The following GLIS3 variants were observed in gnomAD, a reference collection of about 807,000 sequenced individuals.
The protein encoded by GLIS3 is GLIS family zinc finger 3, also known as zinc finger protein GLIS3.
A neutral mutation model predicts 78.6 loss-of-function variants in GLIS3; 53 were observed. The observed-to-expected ratio is 0.67, with a 90% CI of 0.54 to 0.85. The LOEUF is 0.85. GLIS3 is among the 40% of genes least tolerant of loss of function. The probability of loss-of-function intolerance (pLI) is 0.00; values close to 1 mark genes in which losing one functional copy is unlikely to be tolerated. For missense variants in GLIS3, 1,703 were observed against 1,231.1 expected (o/e 1.38, Z -5.74); for synonymous variants, 684 against 509.9 (o/e 1.34, Z -4.60).
At chr9:4,262,723 AT>A (rs1276328507) in intron 2 of GLIS3, among the ~76,000 whole-genome samples, 4 of 152,106 alleles carry the variant, frequency 2.6e-5, no homozygotes, top group Non-Finnish European at 5.9e-5. Flanking sequence ...TAACTTTGGA[AT>A]TAGATGGGAT....
chr9:3,894,558 G>T (rs1027894911), intron 7 of GLIS3, among the ~76,000 whole-genome samples: 1 of 152,038 alleles, frequency 6.6e-6, no homozygotes, highest in Non-Finnish European at 1.5e-5. Flanking sequence ...TTTTTATATG[G>T]TGCTATTTCT....
chr9:4,286,470 A>G lies in GLIS3; in HGVS notation c.-45T>C, dbSNP rs748835165. 6.2e-7 allele frequency: 1 copy of G among 1,609,682 alleles called. No individual in the cohort carries two copies. Among genetic ancestry groups the G allele is most frequent in the South Asian group, 1.1e-5 (1 of 90,870 alleles). ...AGACGGTCAAATATCCAATGTCACT[A>G]ATGACTCCTTTCAGGCAAAGTCCAA... On this transcript the variant is annotated 5_prime_UTR_variant, in exon 2 of 11. Coordinates refer to ENST00000381971, the MANE Select transcript of GLIS3 (RefSeq NM_001042413.2).
chr9:4,170,439 G>T (rs764422331), intron 2 of GLIS3, among the ~76,000 whole-genome samples: 2 of 152,116 alleles, frequency 1.3e-5, no homozygotes, highest in Non-Finnish European at 2.9e-5. Flanking sequence ...CAGCAACTAA[G>T]ACATGGCACA....
intron 2 of GLIS3, among the ~76,000 whole-genome samples, chr9:4,154,139 T>C (rs1254496806): frequency 6.6e-6 from 1 of 152,200 alleles, no homozygotes; most frequent in Non-Finnish European, 1.5e-5. Context: ...AAGAGGGGGC[T>C]TTCAGGCCAT....
At chr9:4,415,693 A>G in the GLIS3 span, among the ~76,000 whole-genome samples, 1 of 152,210 alleles carries the variant, frequency 6.6e-6, no homozygotes, top group East Asian at 1.9e-4. Context: ...TTGATGTCAA[A>G]TTCTTTTGAA....
chr9:4,359,151 TGCA>T, the GLIS3 span, among the ~76,000 whole-genome samples: 14 of 152,170 alleles, frequency 9.2e-5, no homozygotes, highest in Non-Finnish European at 1.8e-4. Flanking sequence ...AGTCAATTGC[TGCA>T]GTTGTTCCAG....
intron 2 of GLIS3, among the ~76,000 whole-genome samples, chr9:4,165,390 G>A (rs545767974): frequency 1.8e-4 from 27 of 152,282 alleles, no homozygotes; most frequent in East Asian, 1.2e-3. Flanking sequence ...GCAGTGAGCC[G>A]AGACCATGCC....
At chr9:4,429,320 C>T in the GLIS3 span, among the ~76,000 whole-genome samples, 1 of 151,756 alleles carries the variant, frequency 6.6e-6, no homozygotes, top group Non-Finnish European at 1.5e-5. Context: ...AGCCTCATGC[C>T]CCCAACTCTC....
chr9:4,382,068 C>G, the GLIS3 span, among the ~76,000 whole-genome samples: 2 of 152,190 alleles, frequency 1.3e-5, no homozygotes, highest in East Asian at 3.9e-4. Context: ...ATACTAATCT[C>G]GGAATGTCAC....
At chr9:3,833,495 C>A (rs954388605) in intron 9 of GLIS3, among the ~76,000 whole-genome samples, 1 of 151,960 alleles carries the variant, frequency 6.6e-6, no homozygotes, top group East Asian at 1.9e-4. Flanking sequence ...GGACCCAAAG[C>A]AAAATGAGGC....
chr9:4,358,312 AC>A, the GLIS3 span, among the ~76,000 whole-genome samples: 10 of 138,214 alleles, frequency 7.2e-5, no homozygotes, highest in Admixed American at 7.6e-4. Flanking sequence ...GCCTAGTATC[AC>A]TTTTGTAATT....
At chr9:4,088,744 T>G (rs559903873) in intron 4 of GLIS3, among the ~76,000 whole-genome samples, 1 of 152,246 alleles carries the variant, frequency 6.6e-6, no homozygotes. Context: ...CCTTGTAAAT[T>G]TTAGTGCCTT....
At chr9:3,998,407 T>C (rs1262274832) in intron 4 of GLIS3, among the ~76,000 whole-genome samples, 3 of 152,244 alleles carry the variant, frequency 2.0e-5, no homozygotes, top group Non-Finnish European at 2.9e-5. Context: ...GAGTTTTTCT[T>C]ACCTTTATAT....
At chr9:4,413,173 C>G in the GLIS3 span, among the ~76,000 whole-genome samples, 1 of 152,154 alleles carries the variant, frequency 6.6e-6, no homozygotes, top group Non-Finnish European at 1.5e-5. Context: ...GTCTTGAGTT[C>G]TGGATGTGAT....
chr9:4,207,336 T>A (rs915875552), intron 2 of GLIS3, among the ~76,000 whole-genome samples: 1 of 152,224 alleles, frequency 6.6e-6, no homozygotes, highest in African/African-American at 2.4e-5. Context: ...AGGAGCACTC[T>A]TAACTTAGGA....
At chr9:4,165,315 C>T (rs1001028399) in intron 2 of GLIS3, among the ~76,000 whole-genome samples, 3 of 152,024 alleles carry the variant, frequency 2.0e-5, no homozygotes, top group Non-Finnish European at 2.9e-5. Context: ...GTGGCACATG[C>T]CTGTAATCCC....
At chr9:4,264,002 TTCTATC>T (rs1424186374) in intron 2 of GLIS3, among the ~76,000 whole-genome samples, 9 of 152,150 alleles carry the variant, frequency 5.9e-5, no homozygotes, top group African/African-American at 2.2e-4. Flanking sequence ...ACTCCTACAT[TTCTATC>T]TCTATCTCCC....
chr9:4,313,487 C>G (rs1031625911), intron 2 of GLIS3, among the ~76,000 whole-genome samples: 1 of 152,188 alleles, frequency 6.6e-6, no homozygotes, highest in Non-Finnish European at 1.5e-5. Flanking sequence ...CAGACCATTT[C>G]TCTAACCTCC....
chr9:3,906,410 G>A (rs1465198747), intron 6 of GLIS3, among the ~76,000 whole-genome samples: 2 of 152,178 alleles, frequency 1.3e-5, no homozygotes, highest in South Asian at 2.1e-4. Context: ...CTCTTTCGAA[G>A]GTCGAGCTGA....
Sources: gnomAD v4.1 joint callset for allele counts (sites outside exome capture counted in the v4.1 genomes callset) on GRCh38, gnomAD v4.1.1 for gene constraint, MANE v1.5 for transcripts, NCBI Gene and HGNC (gene_info 2026-07-23, HGNC 2026-07-21) for gene names.